ANK2: variants seen among roughly 807,000 people sequenced by gnomAD.
The protein encoded by ANK2 is ankyrin-2.
Under a neutral mutation model 360.5 loss-of-function variants are expected in ANK2, and 83 were observed. The observed-to-expected ratio is 0.23, with a 90% confidence interval of 0.19 to 0.28. ANK2 has a LOEUF of 0.28. ANK2 is among the 10% of genes least tolerant of loss of function. The probability of loss-of-function intolerance (pLI) is 1.00; values close to 1 mark genes in which losing one functional copy is unlikely to be tolerated. For synonymous variants in ANK2, 1,740 were observed against 1,759.5 expected, an observed-to-expected ratio of 0.99 and a Z score of 0.28; for missense variants, 4,201 against 4,795.7, an observed-to-expected ratio of 0.88 and a Z score of 3.66.
chr4:113,258,593 A>T (rs1334784344), intron 13 of ANK2, among the ~76,000 whole-genome samples, 182 bp downstream of exon 13: 1 of 152,204 alleles, frequency 6.6e-6, no homozygotes, highest in Admixed American at 6.5e-5. Flanking sequence ...GAACCTGGAT[A>T]GGGTAAGAGG....
At chr4:113,306,376 G>T (rs763824355) in intron 23 of ANK2, among the ~76,000 whole-genome samples, 5 of 152,120 alleles carry the variant, frequency 3.3e-5, no homozygotes, top group Admixed American at 6.5e-5. Flanking sequence ...GACACAGAGT[G>T]GCAGAATCCT....
At position 113,359,010 on chromosome 4, in the gene ANK2, G is replaced by A. The variant is rs566264323; in HGVS notation, c.10392G>A (p.Lys3464=). The change falls in exon 38 of 46, where the codon AAG becomes AAA. Residue 3464 remains lysine, a synonymous_variant. Coordinates refer to ENST00000357077, the MANE Select transcript of ANK2 (RefSeq NM_001148.6). ...GCACGAGCCCCACAAAAGAAAGTAA[G>A]GAGCATTTCTTTGACCTTTACAGAA... ...RGGTSPTKES[K]EHFFDLYRNS... 2.4e-5 allele frequency: 38 copies of A among 1,614,108 alleles called. No homozygotes were observed. In the East Asian group the frequency reaches 8.0e-4, roughly 34 times the overall value.
At chr4:112,737,218 CATT>C in the ANK2 span, among the ~76,000 whole-genome samples, 2 of 152,196 alleles carry the variant, frequency 1.3e-5, no homozygotes, top group African/African-American at 4.8e-5. Context: ...TATTCACAAA[CATT>C]AGTTATTTTT....
intron 22 of ANK2, among the ~76,000 whole-genome samples, chr4:113,294,217 G>A (rs2069660698): frequency 6.6e-6 from 1 of 152,276 alleles, no homozygotes; most frequent in East Asian, 1.9e-4. Flanking sequence ...TGACAATATT[G>A]AGTCCTAATG....
chr4:113,071,579 C>T (rs1372838875), intron 1 of ANK2, among the ~76,000 whole-genome samples: 3 of 152,186 alleles, frequency 2.0e-5, no homozygotes, highest in Non-Finnish European at 4.4e-5. Flanking sequence ...GCGCAGTGTT[C>T]TGTCCCCTGC....
At chr4:113,085,572 G>A (rs554346158) in intron 1 of ANK2, among the ~76,000 whole-genome samples, 3 of 152,214 alleles carry the variant, frequency 2.0e-5, no homozygotes, top group African/African-American at 7.2e-5. Flanking sequence ...CTCCCAAAGT[G>A]CTGGGATTAC....
chr4:113,292,507 C>T lies in ANK2; in HGVS notation c.2369C>T (p.Thr790Ile), dbSNP rs141829855. 3.7e-6 allele frequency: 6 copies of T among 1,608,656 alleles called. No individual in the cohort carries two copies. The highest frequency in any genetic ancestry group is 5.1e-6 in the Non-Finnish European group (6 of 1,177,390). Residue 790 changes from threonine (T) to isoleucine (I), a missense_variant, in exon 21 of 46, where the codon ACC (threonine) becomes ATC (isoleucine). Thr to Ile is a moderately conservative substitution (Grantham distance 89). Transcript: ENST00000357077. ...LLQHGAKPNATTANGNTALAI... is the reference protein window; with the variant it reads ...LLQHGAKPNAITANGNTALAI... Reference sequence around the variant, plus strand: ...CAGCATGGGGCCAAGCCCAACGCCACCACTGCGGTAAGGCAGACGCCACTG... The same window carrying T: ...CAGCATGGGGCCAAGCCCAACGCCATCACTGCGGTAAGGCAGACGCCACTG...
intron 13 of ANK2, 30 bp from the exon 14 acceptor site, chr4:113,264,867 T>C: frequency 6.4e-7 from 1 of 1,551,170 alleles, no homozygotes; most frequent in Non-Finnish European, 8.7e-7. Flanking sequence ...TGGGTTAATT[T>C]ATGATTTGAC....
the ANK2 span, among the ~76,000 whole-genome samples, chr4:112,712,402 A>ATT: frequency 8.3e-5 from 6 of 72,272 alleles, no homozygotes; most frequent in East Asian, 1.0e-3. Context: ...ATATATATAT[A>ATT]TATATTTTTT....
chr4:112,802,985 T>A, the ANK2 span, among the ~76,000 whole-genome samples: 1 of 152,190 alleles, frequency 6.6e-6, no homozygotes, highest in Non-Finnish European at 1.5e-5. Context: ...AGTGGTTATT[T>A]ATAGCCTGTG....
chr4:113,108,842 G>A (rs10461192), intron 1 of ANK2, among the ~76,000 whole-genome samples: 68,281 of 152,012 alleles, frequency 0.45, 15,789 homozygotes, highest in East Asian at 0.55. Flanking sequence ...TTCATAAAAA[G>A]CTTTTAATTT....
chr4:112,965,783 G>A (rs1015148631), intron 2 of ANK2, among the ~76,000 whole-genome samples: 3 of 152,096 alleles, frequency 2.0e-5, no homozygotes, highest in Admixed American at 6.5e-5. Flanking sequence ...CACTGTAGGT[G>A]TATGAATTTG....
chr4:112,745,980 T>A, the ANK2 span, among the ~76,000 whole-genome samples: 1 of 152,188 alleles, frequency 6.6e-6, no homozygotes, highest in African/African-American at 2.4e-5. Context: ...TTGTTTTAAA[T>A]CATTCTTGTT....
chr4:113,252,253 C>T (rs992899519), intron 10 of ANK2, among the ~76,000 whole-genome samples: 10 of 152,082 alleles, frequency 6.6e-5, no homozygotes, highest in African/African-American at 1.9e-4. Context: ...TGGGGGAATC[C>T]GCCCTCCTGA....
At chr4:112,814,111 A>C (rs1255169716), upstream of ANK2, among the ~76,000 whole-genome samples, 1 of 152,218 alleles carries the variant, frequency 6.6e-6, no homozygotes, top group Non-Finnish European at 1.5e-5. Flanking sequence ...GGCCACACTG[A>C]GTTGCAAGGG....
chr4:113,198,914 G>A (rs530152981), intron 3 of ANK2, 97 bp from the exon 4 acceptor site: 1 of 990,850 alleles, frequency 1.0e-6, no homozygotes, highest in Non-Finnish European at 1.6e-6. Context: ...ATTTTAATCG[G>A]TTAAAGTGAT....
intron 40 of ANK2, 56 bp from the exon 41 acceptor site, chr4:113,364,983 G>A (rs2154052218): frequency 1.2e-6 from 2 of 1,609,684 alleles, no homozygotes; most frequent in Non-Finnish European, 1.7e-6. Context: ...TTGAGTGAAA[G>A]AGATTTTTAA....
At chr4:113,257,483 A>T (rs904462445) in intron 11 of ANK2, among the ~76,000 whole-genome samples, 2 of 152,210 alleles carry the variant, frequency 1.3e-5, no homozygotes, top group African/African-American at 4.8e-5. Context: ...TGTTATAAAA[A>T]TGATATAAAA....
At chr4:113,196,252 A>G (rs1584567507) in intron 2 of ANK2, 116 bp from the exon 3 acceptor site, 1 of 764,376 alleles carries the variant, frequency 1.3e-6, no homozygotes, top group Admixed American at 2.5e-5. Flanking sequence ...TGCAAAAAGG[A>G]AAAAAAAGAA....
Sources: gnomAD v4.1 joint callset for allele counts (sites outside exome capture counted in the v4.1 genomes callset) on GRCh38, gnomAD v4.1.1 for gene constraint, MANE v1.5 for transcripts, NCBI Gene and HGNC (gene_info 2026-07-23, HGNC 2026-07-21) for gene names.